PCDHB2: variants seen among roughly 807,000 people sequenced by gnomAD.
The protein encoded by PCDHB2 is protocadherin beta-2.
For synonymous variants in PCDHB2, 395 were observed against 464.9 expected, an observed-to-expected ratio of 0.85 and a Z score of 1.93; for missense variants, 914 against 1,023.1, an observed-to-expected ratio of 0.89 and a Z score of 1.45.
chr5:141,095,006 A>G lies in PCDHB2; in HGVS notation c.216A>G (p.Gly72=). The G allele has an allele frequency of 1.2e-6, 2 of 1,610,688 alleles. No individual in the cohort carries two copies. The highest frequency in any genetic ancestry group is 1.7e-6 in the Non-Finnish European group (2 of 1,178,516). Residue 72 remains glycine, a synonymous_variant, in exon 1 of 1, where the codon GGA becomes GGG. Coordinates refer to ENST00000194155, the MANE Select transcript of PCDHB2 (RefSeq NM_018936.4). ...GGGGGGCCAGGGTCGTTTCCAAAGGAAAAAAAATGCATTTGCAGTTCGATA... is the reference window on the plus strand; with the variant it reads ...GGGGGGCCAGGGTCGTTTCCAAAGGGAAAAAAATGCATTTGCAGTTCGATA... ...AVRGARVVSK[G]KKMHLQFDRQ... is the part of the protein sequence containing the mutation.
At position 141,096,333 on chromosome 5, in the gene PCDHB2, C is replaced by T; in HGVS notation, c.1543C>T (p.Leu515=). ...LVSINADNGH[L]FALQSLDYEA... ...CTCCATCAACGCGGACAACGGCCAC[C>T]TGTTCGCTCTCCAGTCGCTGGACTA... The change falls in exon 1 of 1, where the codon CTG becomes TTG. Residue 515 remains leucine (L), a synonymous_variant. Coordinates refer to ENST00000194155, the MANE Select transcript of PCDHB2 (RefSeq NM_018936.4). The T allele has an allele frequency of 6.2e-7, 1 of 1,613,350 alleles. No homozygotes were observed. The highest frequency in any genetic ancestry group is 1.1e-5 in the South Asian group (1 of 91,052).
At position 141,095,237 on chromosome 5, in the gene PCDHB2, T is replaced by A; in HGVS notation, c.447T>A (p.Thr149=). The change falls in exon 1 of 1, where the codon ACT becomes ACA. Residue 149 remains threonine (T), a synonymous_variant. Coordinates refer to ENST00000194155, the MANE Select transcript of PCDHB2 (RefSeq NM_018936.4). ...EILLKIPESI[T]PGTTFLIERA... is the part of the protein sequence containing the mutation. Reference sequence around the variant, plus strand: ...TTTTGAAAATTCCAGAAAGTATCACTCCTGGAACTACTTTCTTAATAGAAC... The same window carrying A: ...TTTTGAAAATTCCAGAAAGTATCACACCTGGAACTACTTTCTTAATAGAAC... The A allele has an allele frequency of 1.2e-6, 2 of 1,613,984 alleles. No homozygotes were observed. The highest frequency in any genetic ancestry group is 1.7e-6 in the Non-Finnish European group (2 of 1,179,910).
chr5:141,097,341 T>C lies in PCDHB2; in HGVS notation c.*154T>C, dbSNP rs1157590843. The C allele has an allele frequency of 1.1e-5, 9 of 821,828 alleles. No homozygotes were observed. Among genetic ancestry groups the C allele is most frequent in the Non-Finnish European group, 1.4e-5 (8 of 552,406 alleles). 50.9% of individuals were successfully genotyped at this position (821,828 alleles called of 1,614,324 possible). A position where few individuals can be genotyped will look rare whatever the true frequency, so the allele number is the denominator to read the frequency against. On this transcript the variant is annotated 3_prime_UTR_variant, in exon 1 of 1. Coordinates refer to ENST00000194155, the MANE Select transcript of PCDHB2 (RefSeq NM_018936.4). ...CTGGTATTTATAAATGTATGAGTTT[T>C]TTTGCGGTATAATAAATGTAAATTT...
chr5:141,095,129 A>G lies in PCDHB2; in HGVS notation c.339A>G (p.Glu113=). 6.2e-7 allele frequency: 1 copy of G among 1,613,864 alleles called. No homozygotes were observed. Among genetic ancestry groups the G allele is most frequent in the Non-Finnish European group, 8.5e-7 (1 of 1,179,874 alleles). Residue 113 remains glutamate, a synonymous_variant, in exon 1 of 1, where the codon GAA becomes GAG. Transcript: ENST00000194155. ...PCVLPFQVLL[E]NPLQFFQAEL... ...TCCTACCTTTCCAGGTGTTACTAGA[A>G]AATCCCTTGCAGTTTTTTCAGGCGG...
In PCDHB2 at chr5:141,096,081, C is replaced by G. The variant is rs116177548; in HGVS notation, c.1291C>G (p.Pro431Ala). Residue 431 changes from proline to alanine, a missense_variant, in exon 1 of 1, where the codon CCC (proline) becomes GCC (alanine). Transcript: ENST00000194155. ...CATCACCGTCACCGACTTCGGGACACCCAGGCTGAAAACCGAGCACAACAT... is the reference window on the plus strand; with the variant it reads ...CATCACCGTCACCGACTTCGGGACAGCCAGGCTGAAAACCGAGCACAACAT... ...ITITVTDFGT[P>A]RLKTEHNITV... 6.8e-6 allele frequency: 11 copies of G among 1,614,120 alleles called. No homozygotes were observed. In the South Asian group the frequency reaches 8.8e-5, roughly 13 times the overall value.
At position 141,096,867 on chromosome 5, in the gene PCDHB2, G is replaced by A; in HGVS notation, c.2077G>A (p.Val693Met). ...AQADLLTVYL[V>M]VALASVSSLF... ...GGCCGACTTGCTCACCGTCTACCTG[G>A]TGGTGGCGTTGGCCTCGGTGTCTTC... Residue 693 changes from valine (V) to methionine (M), a missense_variant, in exon 1 of 1, where the codon GTG (valine) becomes ATG (methionine). Val to Met is a conservative substitution (Grantham distance 21). Coordinates refer to ENST00000194155, the MANE Select transcript of PCDHB2 (RefSeq NM_018936.4). 6.2e-7 allele frequency: 1 copy of A among 1,611,686 alleles called. No individual in the cohort carries two copies. The highest frequency in any genetic ancestry group is 8.5e-7 in the Non-Finnish European group (1 of 1,179,810).
chr5:141,096,993 C>G lies in PCDHB2; in HGVS notation c.2203C>G (p.Pro735Ala), dbSNP rs782005570. The G allele has an allele frequency of 1.9e-6, 3 of 1,613,464 alleles. No individual in the cohort carries two copies. In the South Asian group the frequency reaches 3.3e-5, roughly 18 times the overall value. The change falls in exon 1 of 1, where the codon CCA (proline) becomes GCA (alanine). Residue 735 changes from proline to alanine, a missense_variant. By Grantham distance (27) the Pro-to-Ala change is conservative. Transcript: ENST00000194155. ...CTGCTCGGTGCCCGAGGGCCCCTTT[C>G]CAGGGCAGATGGTGGACGTGAGCGG... ...GRCSVPEGPF[P>A]GQMVDVSGTG...
chr5:141,097,295 A>C lies in PCDHB2; in HGVS notation c.*108A>C. On this transcript the variant is annotated 3_prime_UTR_variant, in exon 1 of 1. Coordinates refer to ENST00000194155, the MANE Select transcript of PCDHB2 (RefSeq NM_018936.4). ...CCTTTTATTAGAAAGTAACCATCTT[A>C]TTCCAATTCTATGCATGTTACTGGT... 1.6e-6 allele frequency: 2 copies of C among 1,249,602 alleles called. No homozygotes were observed. The highest frequency in any genetic ancestry group is 4.7e-5 in the East Asian group (2 of 42,312). The allele number at this position is 1,249,602 out of a possible 1,614,324, so 77.4% of individuals were successfully genotyped here.
chr5:141,095,927 C>T lies in PCDHB2; in HGVS notation c.1137C>T (p.Asp379=). The stretch of plus-strand genomic sequence containing the variant: ...GCGTTTCAGATCCTGACTCCGGAGA[C>T]AACGGAAGGATGGTGTGCTCCATCC... ...VFSVSDPDSG[D]NGRMVCSIQD... is the part of the protein sequence containing the mutation. The change falls in exon 1 of 1, where the codon GAC becomes GAT. Residue 379 remains aspartate (D), a synonymous_variant. Transcript: ENST00000194155. 6.2e-7 allele frequency: 1 copy of T among 1,614,182 alleles called. No homozygotes were observed. The highest frequency in any genetic ancestry group is 1.1e-5 in the South Asian group (1 of 91,090).
chr5:141,097,000 A>G lies in PCDHB2; in HGVS notation c.2210A>G (p.Gln737Arg), dbSNP rs1751848265. 1 of 1,613,452 alleles carries G rather than the reference A, an allele frequency of 6.2e-7. No individual in the cohort carries two copies. The highest frequency in any genetic ancestry group is 8.5e-7 in the Non-Finnish European group (1 of 1,179,940). ...CSVPEGPFPG[Q>R]MVDVSGTGTL... ...GTGCCCGAGGGCCCCTTTCCAGGGC[A>G]GATGGTGGACGTGAGCGGCACCGGG... The change falls in exon 1 of 1, where the codon CAG becomes CGG. Residue 737 changes from glutamine to arginine, a missense_variant. Physicochemically the swap from Gln to Arg is conservative, Grantham distance 43. Transcript: ENST00000194155.
chr5:141,096,594 G>C lies in PCDHB2; in HGVS notation c.1804G>C (p.Ala602Pro). ...VAVDGDSGQN[A>P]WLSYQLLKAT... The stretch of plus-strand genomic sequence containing the variant: ...GGTGGACGGCGACTCGGGCCAGAAC[G>C]CCTGGCTGTCGTACCAGCTGCTCAA... Residue 602 changes from alanine to proline, a missense_variant, in exon 1 of 1, where the codon GCC becomes CCC. Coordinates refer to ENST00000194155, the MANE Select transcript of PCDHB2 (RefSeq NM_018936.4). The C allele has an allele frequency of 6.2e-7, 1 of 1,606,406 alleles. No individual in the cohort carries two copies. Among genetic ancestry groups the C allele is most frequent in the Non-Finnish European group, 8.5e-7 (1 of 1,179,014 alleles).
Position 141,095,508 on chromosome 5 carries a change from A to G in PCDHB2, c.718A>G (p.Asn240Asp), listed in dbSNP as rs782467105. ...GATTGAAGTTGTGGACATCAATGAC[A>G]ACGTCCCAGAGTTTGCAAAGCTGCT... is the stretch of plus-strand genomic sequence containing the variant. ...VRIEVVDIND[N>D]VPEFAKLLYE... Residue 240 changes from asparagine to aspartate, a missense_variant, in exon 1 of 1, where the codon AAC (asparagine) becomes GAC (aspartate). Asn to Asp is a conservative substitution (Grantham distance 23). Coordinates refer to ENST00000194155, the MANE Select transcript of PCDHB2 (RefSeq NM_018936.4). The G allele has an allele frequency of 6.2e-7, 1 of 1,614,134 alleles. No homozygotes were observed. Among genetic ancestry groups the G allele is most frequent in the South Asian group, 1.1e-5 (1 of 91,076 alleles).
rs142417694 is a variant in PCDHB2 at position 141,096,179 on chromosome 5, C to A, written c.1389C>A (p.Arg463=). 27 of 1,563,916 alleles carry A rather than the reference C, an allele frequency of 1.7e-5. No individual in the cohort carries two copies. The highest frequency in any genetic ancestry group is 2.2e-5 in the Non-Finnish European group (25 of 1,138,468). ...FTQTSYTLFV[R]ENNSPALHIG... ...AAACCTCCTACACCCTGTTCGTCCG[C>A]GAGAACAACAGCCCCGCCCTGCACA... Residue 463 remains arginine (R), a synonymous_variant, in exon 1 of 1, where the codon CGC becomes CGA. Transcript: ENST00000194155.
At position 141,096,794 on chromosome 5, in the gene PCDHB2, C is replaced by G; in HGVS notation, c.2004C>G (p.Phe668Leu). 1 of 1,610,228 alleles carries G rather than the reference C, an allele frequency of 6.2e-7. No homozygotes were observed. The highest frequency in any genetic ancestry group is 8.5e-7 in the Non-Finnish European group (1 of 1,179,696). ...TGCACGTGCTCCTGGTGGACGGCTT[C>G]TCCCAGCCCTACCTGCTGCTCCCGG... ...ATLHVLLVDG[F>L]SQPYLLLPEA... The change falls in exon 1 of 1, where the codon TTC becomes TTG. Residue 668 changes from phenylalanine to leucine, a missense_variant. Physicochemically the swap from Phe to Leu is conservative, Grantham distance 22 (BLOSUM62 0). Coordinates refer to ENST00000194155, the MANE Select transcript of PCDHB2 (RefSeq NM_018936.4).
In PCDHB2 at chr5:141,095,545, A is replaced by G. The variant is rs1751791438; in HGVS notation, c.755A>G (p.Gln252Arg). Residue 252 changes from glutamine (Q) to arginine (R), a missense_variant, in exon 1 of 1, where the codon CAG becomes CGG. Coordinates refer to ENST00000194155, the MANE Select transcript of PCDHB2 (RefSeq NM_018936.4). ...TTTGCAAAGCTGCTCTATGAGGTGC[A>G]GATCCCGGAGGACAGCCCCGTTGGA... ...PEFAKLLYEVQIPEDSPVGSQ... is the reference protein window; with the variant it reads ...PEFAKLLYEVRIPEDSPVGSQ... 12 of 1,614,140 alleles carry G rather than the reference A, an allele frequency of 7.4e-6. No homozygotes were observed. Among genetic ancestry groups the G allele is most frequent in the Non-Finnish European group, 1.0e-5 (12 of 1,179,982 alleles).
Position 141,094,689 on chromosome 5 carries a change from T to C in PCDHB2, c.-102T>C. Reference sequence around the variant, plus strand: ...CGGTCGCTCCGGGAAATCCGGGCCCTAGGATTGTCCACTCATCCCAGTATC... The same window carrying C: ...CGGTCGCTCCGGGAAATCCGGGCCCCAGGATTGTCCACTCATCCCAGTATC... On this transcript the variant is annotated 5_prime_UTR_variant, in exon 1 of 1. Coordinates refer to ENST00000194155, the MANE Select transcript of PCDHB2 (RefSeq NM_018936.4). The C allele has an allele frequency of 1.0e-6, 1 of 984,352 alleles. No individual in the cohort carries two copies. The highest frequency in any genetic ancestry group is 2.6e-5 in the Admixed American group (1 of 38,316). The allele number at this position is 984,352 out of a possible 1,614,324, so 61.0% of individuals were successfully genotyped here.
chr5:141,097,108 T>C lies in PCDHB2; in HGVS notation c.2318T>C (p.Ile773Thr). The change falls in exon 1 of 1, where the codon ATC becomes ACC. Residue 773 changes from isoleucine (I) to threonine (T), a missense_variant. Coordinates refer to ENST00000194155, the MANE Select transcript of PCDHB2 (RefSeq NM_018936.4). ...GAGTTCAAGTTCCTGAAGCCAATTA[T>C]CCCCAACTTCGTTGCTCAGGGTGCA... ...TNEFKFLKPIIPNFVAQGAER... is the reference protein window; with the variant it reads ...TNEFKFLKPITPNFVAQGAER... The C allele has an allele frequency of 6.2e-7, 1 of 1,607,142 alleles. No homozygotes were observed. The highest frequency in any genetic ancestry group is 8.5e-7 in the Non-Finnish European group (1 of 1,176,554).
Position 141,095,123 on chromosome 5 carries a change from AC to A in PCDHB2, c.334del (p.Leu112Ter). 1 of 1,614,010 alleles carries A rather than the reference AC, an allele frequency of 6.2e-7. No homozygotes were observed. The highest frequency in any genetic ancestry group is 1.3e-5 in the African/African-American group (1 of 75,046). Reference protein sequence around the residue: ...EPCVLPFQVLLENPLQFFQAE... With the variant: ...EPCVLPFQVLXENPLQFFQAE... Reference sequence around the variant, plus strand: ...CCTGTGTCCTACCTTTCCAGGTGTTACTAGAAAATCCCTTGCAGTTTTTTCA... The same window carrying A: ...CCTGTGTCCTACCTTTCCAGGTGTTATAGAAAATCCCTTGCAGTTTTTTCA... On this transcript the variant is annotated frameshift_variant, in exon 1 of 1. Transcript: ENST00000194155. LOFTEE classifies it low-confidence loss of function (END_TRUNC).
At position 141,095,810 on chromosome 5, in the gene PCDHB2, G is replaced by A; in HGVS notation, c.1020G>A (p.Met340Ile). 1 of 1,614,118 alleles carries A rather than the reference G, an allele frequency of 6.2e-7. No individual in the cohort carries two copies. Among genetic ancestry groups the A allele is most frequent in the Admixed American group, 1.7e-5 (1 of 60,014 alleles). The change falls in exon 1 of 1, where the codon ATG (methionine) becomes ATA (isoleucine). Residue 340 changes from methionine (M) to isoleucine (I), a missense_variant. Physicochemically the swap from Met to Ile is conservative, Grantham distance 10. Coordinates refer to ENST00000194155, the MANE Select transcript of PCDHB2 (RefSeq NM_018936.4). Reference sequence around the variant, plus strand: ...CTTGTGTGGTATTTGTCCAAGTGATGGATTTGAATGACAATCCTCCGGAAC... The same window carrying A: ...CTTGTGTGGTATTTGTCCAAGTGATAGATTTGAATGACAATCCTCCGGAAC... ...SGTCVVFVQV[M>I]DLNDNPPELT...
Sources: allele counts gnomAD v4.1 joint callset, GRCh38; gene constraint gnomAD v4.1.1; transcripts MANE v1.5; gene names NCBI Gene and HGNC (gene_info 2026-07-23, HGNC 2026-07-21).